The following MRPL45 variants were observed in gnomAD, a reference collection of about 807,000 sequenced individuals.
MRPL45 encodes mitochondrial ribosomal protein L45.
Under a neutral mutation model 38.1 loss-of-function variants are expected in MRPL45, and 20 were observed. The observed-to-expected ratio is 0.53, with a 90% CI of 0.37 to 0.76. MRPL45 has a LOEUF of 0.76. Among genes scored for constraint, MRPL45 ranks in the 30% least tolerant of loss-of-function variants. The pLI is 0.00. For missense variants in MRPL45, 337 were observed against 395.6 expected (o/e 0.85, Z 1.26); for synonymous variants, 105 against 128.8 (o/e 0.82, Z 1.25).
chr17:38,307,886 T>C (rs9900453), intron 4 of MRPL45, among the ~76,000 whole-genome samples: 133,303 of 151,756 alleles, frequency 0.88, 58,873 homozygotes, highest in Admixed American at 0.93. Flanking sequence ...TGGGATGTCG[T>C]GATGTTGCCC....
chr17:38,309,826 A>G (rs1237161197), intron 4 of MRPL45, among the ~76,000 whole-genome samples: 1 of 151,698 alleles, frequency 6.6e-6, no homozygotes, highest in Non-Finnish European at 1.5e-5. Flanking sequence ...TTTTTTTGTC[A>G]GTGTTGGAAA....
At chr17:38,300,455 C>T (rs531078923) in intron 3 of MRPL45, among the ~76,000 whole-genome samples, 130 of 152,262 alleles carry the variant, frequency 8.5e-4, no homozygotes, top group African/African-American at 3.0e-3. Context: ...TGACCCGTCA[C>T]ACCCAGCCAG....
intron 3 of MRPL45, among the ~76,000 whole-genome samples, chr17:38,303,187 G>A (rs1210154611): frequency 1.3e-5 from 2 of 150,370 alleles, no homozygotes; most frequent in African/African-American, 4.9e-5. Context: ...TTTCTTTCCT[G>A]CATAATATAT....
rs760585576 is a variant in MRPL45 at position 38,322,597 on chromosome 17, G to C, written c.*2G>C. On this transcript the variant is annotated 3_prime_UTR_variant, in exon 8 of 8. Coordinates refer to ENST00000613675, the MANE Select transcript of MRPL45 (RefSeq NM_032351.6). ...GCCCAGAAGCCTCAGCTAGCCTGAT[G>C]ACAAAAATGACTTCTAGGGTGAAGC... 64 of 1,610,446 alleles carry C rather than the reference G, an allele frequency of 4.0e-5. No homozygotes were observed. The highest frequency in any genetic ancestry group is 2.3e-5 in the Non-Finnish European group (27 of 1,178,262).
chr17:38,319,013 A>T (rs1412153789), intron 5 of MRPL45, among the ~76,000 whole-genome samples: 1 of 141,070 alleles, frequency 7.1e-6, no homozygotes, highest in Non-Finnish European at 1.5e-5. Context: ...TTATTTATTT[A>T]TTTATTTATT....
intron 1 of MRPL45, among the ~76,000 whole-genome samples, 196 bp from the exon 2 acceptor site, chr17:38,298,253 T>G (rs1404248986): frequency 1.3e-5 from 2 of 152,118 alleles, no homozygotes; most frequent in African/African-American, 4.8e-5. Flanking sequence ...GTGATGTTAA[T>G]AAAGGTTGCT....
intron 4 of MRPL45, among the ~76,000 whole-genome samples, chr17:38,316,074 C>T (rs955835658): frequency 6.6e-5 from 10 of 152,226 alleles, no homozygotes; most frequent in South Asian, 4.1e-4. Context: ...TGTGCCTGGC[C>T]GCATTATTTC....
chr17:38,322,303 A>G lies in MRPL45; in HGVS notation c.834+4A>G, dbSNP rs755071282. Reference sequence around the variant, plus strand: ...CCCTAAGCAGCCCATCCTTAAGGTAAGGTGGCTTGCATGGTTTAAGAGAGC... The same window carrying G: ...CCCTAAGCAGCCCATCCTTAAGGTAGGGTGGCTTGCATGGTTTAAGAGAGC... On this transcript the variant is annotated splice_donor_region_variant and intron_variant, in intron 7 of 7. Coordinates refer to ENST00000613675, the MANE Select transcript of MRPL45 (RefSeq NM_032351.6). 1 of 1,613,718 alleles carries G rather than the reference A, an allele frequency of 6.2e-7. No individual in the cohort carries two copies. Among genetic ancestry groups the G allele is most frequent in the Admixed American group, 1.7e-5 (1 of 59,962 alleles).
At chr17:38,322,416 CCGGGTGGGTGGG>C in intron 7 of MRPL45, 81 bp from the exon 8 acceptor site, 1 of 189,876 alleles carries the variant, frequency 5.3e-6, no homozygotes, top group Admixed American at 8.3e-5. Flanking sequence ...GAAGGGAAGG[CCGGGTGGGTGGG>C]TGGGTGGGAG....
chr17:38,317,320 A>G (rs781416059), intron 4 of MRPL45, among the ~76,000 whole-genome samples: 2 of 152,154 alleles, frequency 1.3e-5, no homozygotes, highest in Non-Finnish European at 2.9e-5. Context: ...AATCTTTCCT[A>G]TTAGGAATAG....
intron 5 of MRPL45, among the ~76,000 whole-genome samples, chr17:38,320,145 GTAGAACTTCA>G (rs2037215682): frequency 6.6e-6 from 1 of 152,082 alleles, no homozygotes; most frequent in Non-Finnish European, 1.5e-5. Context: ...GTTTCTATCA[GTAGAACTTCA>G]GTTTCTATCA....
At position 38,320,648 on chromosome 17, in the gene MRPL45, G is replaced by C. The variant is rs767325233; in HGVS notation, c.541G>C (p.Val181Leu). 5.6e-6 allele frequency: 9 copies of C among 1,614,142 alleles called. No individual in the cohort carries two copies. The highest frequency in any genetic ancestry group is 7.6e-6 in the Non-Finnish European group (9 of 1,180,030). The change falls in exon 6 of 8, where the codon GTC becomes CTC. Residue 181 changes from valine (V) to leucine (L), a missense_variant. By Grantham distance (32) the Val-to-Leu change is conservative (BLOSUM62 1). Transcript: ENST00000613675. The part of the protein sequence containing the change: ...DMTWDIKYKT[V>L]RWSFVESLEP... ...GACTTGGGACATCAAATATAAGACC[G>C]TCCGCTGGAGCTTTGTGGAATCTTT...
chr17:38,297,687 A>G (rs2036950637), intron 1 of MRPL45, among the ~76,000 whole-genome samples: 1 of 152,180 alleles, frequency 6.6e-6, no homozygotes, highest in African/African-American at 2.4e-5. Context: ...TTTATTGGTC[A>G]GTTGGGTGCT....
rs1288188003 is a variant in MRPL45, at chr17:38,322,157, T to G, written c.692T>G (p.Leu231Trp). ...GCCATCTATGACCGGTTTGGCCGGT[T>G]GATGTATGGACAGGAAGATGTACCC... ...TLAIYDRFGR[L>W]MYGQEDVPKD... is the part of the protein sequence containing the mutation. The change falls in exon 7 of 8, where the codon TTG becomes TGG. Residue 231 changes from leucine (L) to tryptophan (W), a missense_variant. Physicochemically the swap from Leu to Trp is moderately conservative, Grantham distance 61. Coordinates refer to ENST00000613675, the MANE Select transcript of MRPL45 (RefSeq NM_032351.6). 6.2e-7 allele frequency: 1 copy of G among 1,614,112 alleles called. No homozygotes were observed. Among genetic ancestry groups the G allele is most frequent in the East Asian group, 2.2e-5 (1 of 44,886 alleles).
At chr17:38,300,751 A>C (rs1445494594) in intron 3 of MRPL45, among the ~76,000 whole-genome samples, 2 of 152,108 alleles carry the variant, frequency 1.3e-5, no homozygotes, top group African/African-American at 4.8e-5. Context: ...ATCGAAAACC[A>C]GCCCGACCAA....
intron 3 of MRPL45, among the ~76,000 whole-genome samples, chr17:38,300,884 T>C (rs1449770085): frequency 6.6e-6 from 1 of 152,058 alleles, no homozygotes; most frequent in Non-Finnish European, 1.5e-5. Flanking sequence ...AGGCGGAGGT[T>C]GCGGTGAGCC....
chr17:38,305,363 A>G lies in MRPL45; in HGVS notation c.363-1170A>G, dbSNP rs2037041699. The stretch of plus-strand genomic sequence containing the variant: ...GTGCCTGTAGTCCCAGCTACTTGGG[A>G]GGCTGAGGCAGGAGAATTGCTTGAA... On this transcript the variant is annotated intron_variant, in intron 3 of 7. Transcript: ENST00000613675. Among the ~76,000 whole-genome samples, 4 of 142,204 alleles carry G rather than the reference A, an allele frequency of 2.8e-5. No individual in the cohort carries two copies. The South Asian group carries it at 9.9e-4, about 35-fold the overall frequency. 93.3% of individuals were successfully genotyped at this position (142,204 alleles called of 152,430 possible). A position where few individuals can be genotyped will look rare whatever the true frequency, so the allele number is the denominator to read the frequency against.
Position 38,320,662 on chromosome 17 carries a change from T to G in MRPL45, c.555T>G (p.Phe185Leu), listed in dbSNP as rs1309553623. ...AATATAAGACCGTCCGCTGGAGCTT[T>G]GTGGAATCTTTAGAGCCCTCTCATG... ...DIKYKTVRWSFVESLEPSHVV... is the reference protein window; with the variant it reads ...DIKYKTVRWSLVESLEPSHVV... Residue 185 changes from phenylalanine (F) to leucine (L), a missense_variant, in exon 6 of 8, where the codon TTT (phenylalanine) becomes TTG (leucine). By Grantham distance (22) the Phe-to-Leu change is conservative (BLOSUM62 0). Transcript: ENST00000613675. 1.9e-6 allele frequency: 3 copies of G among 1,614,206 alleles called. No individual in the cohort carries two copies. Among genetic ancestry groups the G allele is most frequent in the Non-Finnish European group, 2.5e-6 (3 of 1,180,034 alleles).
intron 4 of MRPL45, among the ~76,000 whole-genome samples, chr17:38,309,989 C>T (rs975555347): frequency 5.9e-5 from 9 of 152,030 alleles, no homozygotes; most frequent in African/African-American, 2.2e-4. Context: ...TTTTTTTCCC[C>T]CTCCAGCTTT....
Sources: allele counts gnomAD v4.1 joint callset (sites outside exome capture counted in the v4.1 genomes callset), GRCh38; gene constraint gnomAD v4.1.1; transcripts MANE v1.5; gene names NCBI Gene and HGNC (gene_info 2026-07-23, HGNC 2026-07-21).